Variants in AMPD3 observed in about 807,000 individuals in gnomAD.
AMPD3 encodes AMP deaminase 3.
AMPD3 carries 57 observed loss-of-function variants against 82.3 expected under a neutral mutation model. That is an observed-to-expected ratio of 0.69 (90% CI 0.56 to 0.86). The LOEUF is 0.86. Among genes scored for constraint, AMPD3 ranks in the 40% least tolerant of loss-of-function variants. The pLI is 0.00. For synonymous variants in AMPD3, 381 were observed against 394.7 expected, an observed-to-expected ratio of 0.97 and a Z score of 0.41; for missense variants, 870 against 1,003.8, an observed-to-expected ratio of 0.87 and a Z score of 1.80.
intron 2 of AMPD3, among the ~76,000 whole-genome samples, chr11:10,475,210 G>A (rs977065831): frequency 2.6e-5 from 4 of 152,116 alleles, no homozygotes; most frequent in African/African-American, 9.7e-5. Flanking sequence ...GGCAGCGAGA[G>A]TGGGTAGGGG....
At chr11:10,470,244 T>C (rs1056872251) in intron 2 of AMPD3, among the ~76,000 whole-genome samples, 2 of 152,068 alleles carry the variant, frequency 1.3e-5, no homozygotes, top group Non-Finnish European at 1.5e-5. Context: ...TGCAGAAAAG[T>C]CCTTCAATAT....
At chr11:10,493,654 C>T in intron 7 of AMPD3, 111 bp downstream of exon 7, 2 of 1,215,634 alleles carry the variant, frequency 1.6e-6, no homozygotes, top group South Asian at 1.3e-5. Flanking sequence ...ACGGAAGCAG[C>T]TTTCTCTTCT....
chr11:10,487,892 G>A (rs559067117), intron 6 of AMPD3, among the ~76,000 whole-genome samples: 1 of 152,082 alleles, frequency 6.6e-6, no homozygotes, highest in Non-Finnish European at 1.5e-5. Context: ...CGGGTTGATA[G>A]GTGCAGCAAA....
intron 7 of AMPD3, 191 bp downstream of exon 7, chr11:10,493,734 G>C (rs779768935): frequency 4.2e-6 from 3 of 720,248 alleles, no homozygotes; most frequent in Non-Finnish European, 7.3e-6. Context: ...GGGAAAGAGG[G>C]TGTGTGGCTT....
In AMPD3 at chr11:10,456,722, G is replaced by C. The variant is rs79057673; in HGVS notation, c.-6+1274G>C. 10,625 of 574,960 alleles carry C rather than the reference G, an allele frequency of 0.018. 116 individuals are homozygous for C. The highest frequency in any genetic ancestry group is 0.02 in the Non-Finnish European group (9,116 of 454,886). The allele number at this position is 574,960 out of a possible 1,614,324, so 35.6% of individuals were successfully genotyped here. A position where few individuals can be genotyped will look rare whatever the true frequency, so the allele number is the denominator to read the frequency against. ...GTTGGAAGCCAGGCGTGAACATGCA[G>C]CTGGAGCTGAAGCTCTGCTTGGCAT... On this transcript the variant is annotated intron_variant, in intron 1 of 14. Coordinates refer to ENST00000396553, the MANE Select transcript of AMPD3 (RefSeq NM_001025389.2). The surrounding 1 kb of genome is among the most constrained non-coding windows in gnomAD (Gnocchi z 4.3).
At chr11:10,484,611 C>T (rs1348042391) in intron 4 of AMPD3, 5 of 726,330 alleles carry the variant, frequency 6.9e-6, no homozygotes, top group African/African-American at 1.9e-5. Flanking sequence ...GTGGAGAAGA[C>T]ATCATATCTG....
At chr11:10,476,978 T>C (rs1192030730) in intron 2 of AMPD3, 16 of 985,328 alleles carry the variant, frequency 1.6e-5, no homozygotes, top group Non-Finnish European at 1.9e-5. Flanking sequence ...CACCTCTGTC[T>C]TGCAGGTTAA....
chr11:10,493,083 T>C (rs1157374807), intron 6 of AMPD3, among the ~76,000 whole-genome samples: 1 of 152,164 alleles, frequency 6.6e-6, no homozygotes, highest in Non-Finnish European at 1.5e-5. Flanking sequence ...AGGTCATTTG[T>C]TAACTGGGGA....
At chr11:10,502,206 G>T in intron 12 of AMPD3, 10 of 985,428 alleles carry the variant, frequency 1.0e-5, no homozygotes, top group Non-Finnish European at 1.1e-5. Flanking sequence ...GTAACCATGG[G>T]TCACATTTTT....
At chr11:10,480,364 T>C (rs1848866248) in intron 3 of AMPD3, among the ~76,000 whole-genome samples, 1 of 152,186 alleles carries the variant, frequency 6.6e-6, no homozygotes, top group Non-Finnish European at 1.5e-5. Context: ...GGACATATTT[T>C]TGTCTAGGAT....
intron 1 of AMPD3, among the ~76,000 whole-genome samples, chr11:10,458,967 C>T (rs1012125117): frequency 4.6e-5 from 7 of 152,110 alleles, no homozygotes; most frequent in African/African-American, 1.7e-4. Context: ...GATCCAGTTT[C>T]GTTTCAGCCT....
upstream of AMPD3, chr11:10,450,503 G>A (rs759003525): frequency 1.0e-6 from 1 of 985,994 alleles, no homozygotes; most frequent in African/African-American, 1.7e-5. Flanking sequence ...GTGCGGGGAG[G>A]GGAGGACGTC....
chr11:10,495,991 C>T (rs1356423060), intron 9 of AMPD3, among the ~76,000 whole-genome samples: 3 of 149,372 alleles, frequency 2.0e-5, no homozygotes, highest in Non-Finnish European at 4.4e-5. Flanking sequence ...GATCTTGGCT[C>T]ACTGCAACCT....
At chr11:10,469,597 A>C (rs960227607) in intron 2 of AMPD3, among the ~76,000 whole-genome samples, 3 of 152,208 alleles carry the variant, frequency 2.0e-5, no homozygotes, top group Non-Finnish European at 4.4e-5. Context: ...TTCCTTCTGA[A>C]ACTATTCCCA....
At chr11:10,496,589 C>G (rs1325865395) in intron 9 of AMPD3, 1 of 977,970 alleles carries the variant, frequency 1.0e-6, no homozygotes, top group African/African-American at 1.8e-5. Flanking sequence ...AGAAAGTGCT[C>G]TGATGGGCAT....
At chr11:10,473,668 T>G (rs1203893668) in intron 2 of AMPD3, 1 of 893,032 alleles carries the variant, frequency 1.1e-6, no homozygotes, top group Non-Finnish European at 1.3e-6. Flanking sequence ...TAGGGACCCC[T>G]GTTATAGTGC....
At position 10,456,414 on chromosome 11, in the gene AMPD3, G is replaced by T; in HGVS notation, c.-6+966G>T. On this transcript the variant is annotated intron_variant, in intron 1 of 14. Coordinates refer to ENST00000396553, the MANE Select transcript of AMPD3 (RefSeq NM_001025389.2). This position sits in a 1 kb window ranked among gnomAD's most constrained non-coding sequence, Gnocchi z 4.3. ...GGAGCCAGGCTCAGGTCTGTGTCGG[G>T]GCTTCTGCAAGGGGAGTCTGGCAAG... 1 of 1,613,786 alleles carries T rather than the reference G, an allele frequency of 6.2e-7. No homozygotes were observed. The highest frequency in any genetic ancestry group is 8.5e-7 in the Non-Finnish European group (1 of 1,179,708).
intron 1 of AMPD3, among the ~76,000 whole-genome samples, chr11:10,457,426 G>A (rs1848129705): frequency 6.6e-6 from 1 of 152,048 alleles, no homozygotes; most frequent in Non-Finnish European, 1.5e-5. Context: ...TGAGTTGAGG[G>A]GCTGTGGAAT....
Position 10,497,619 on chromosome 11 carries a change from T to A in AMPD3, c.1557+681T>A, listed in dbSNP as rs552149170. ...GCACGGGGAAAGAATTGAGTCTGTG[T>A]GCCCAGAAAGTGACTGGACAAGCTG... On this transcript the variant is annotated intron_variant, in intron 10 of 14. Coordinates refer to ENST00000396553, the MANE Select transcript of AMPD3 (RefSeq NM_001025389.2). 3.9e-5 allele frequency: 38 copies of A among 985,418 alleles called. No individual in the cohort carries two copies. In the East Asian group the frequency reaches 3.9e-3, roughly 100 times the overall value. The allele number at this position is 985,418 out of a possible 1,614,324, so 61.0% of individuals were successfully genotyped here. A position where few individuals can be genotyped will look rare whatever the true frequency, so the allele number is the denominator to read the frequency against.
Sources: gnomAD v4.1 joint callset for allele counts (sites outside exome capture counted in the v4.1 genomes callset) on GRCh38, gnomAD v4.1.1 for gene constraint, Gnocchi (gnomAD v3.1) non-coding constraint, MANE v1.5 for transcripts, NCBI Gene and HGNC (gene_info 2026-07-23, HGNC 2026-07-21) for gene names.